Variants in PLXNA1 observed in about 807,000 individuals in gnomAD.
PLXNA1 encodes the protein plexin A1, also known as plexin-A1.
In PLXNA1, 77 loss-of-function variants were observed where a neutral mutation model predicts 191.7. The ratio of observed to expected loss-of-function variants is 0.40; its 90% CI spans 0.33 to 0.49. The LOEUF (loss-of-function observed/expected upper bound fraction) is 0.49, where lower values mean the gene tolerates loss of function less well. Among genes scored for constraint, PLXNA1 ranks in the 20% least tolerant of loss-of-function variants. The pLI is 0.63. For synonymous variants in PLXNA1, 1,137 were observed against 1,156.4 expected (o/e 0.98, Z 0.34); for missense variants, 2,110 against 2,660.2 (o/e 0.79, Z 4.55).
In PLXNA1 at chr3:126,989,221, G is replaced by A; in HGVS notation, c.628G>A (p.Glu210Lys). The change falls in exon 2 of 32, where the codon GAG becomes AAG. Residue 210 changes from glutamate (E) to lysine (K), a missense_variant. Glu to Lys is a moderately conservative substitution (Grantham distance 56). Transcript: ENST00000393409. ...TLSSRRLMAN[E>K]EDADMFGFVY... ...GTCCAGCCGTCGGCTCATGGCCAACGAGGAGGATGCCGACATGTTCGGCTT... is the reference window on the plus strand; with the variant it reads ...GTCCAGCCGTCGGCTCATGGCCAACAAGGAGGATGCCGACATGTTCGGCTT... 1 of 1,613,642 alleles carries A rather than the reference G, an allele frequency of 6.2e-7. No individual in the cohort carries two copies. The highest frequency in any genetic ancestry group is 8.5e-7 in the Non-Finnish European group (1 of 1,180,052).
intron 1 of PLXNA1, among the ~76,000 whole-genome samples, chr3:126,986,173 T>A (rs1225395862): frequency 6.6e-6 from 1 of 152,234 alleles, no homozygotes; most frequent in African/African-American, 2.4e-5. Flanking sequence ...TTTGAACTGA[T>A]AAACGGTGAG....
At chr3:127,028,943 A>G in intron 25 of PLXNA1, 50 bp from the exon 26 acceptor site, 1 of 1,431,212 alleles carries the variant, frequency 7.0e-7, no homozygotes, top group Non-Finnish European at 9.7e-7. Flanking sequence ...GTGATGGAGG[A>G]GGGAAAGAGG....
chr3:127,001,057 A>G (rs1005334130), intron 3 of PLXNA1, among the ~76,000 whole-genome samples: 1 of 152,098 alleles, frequency 6.6e-6, no homozygotes, highest in African/African-American at 2.4e-5. Flanking sequence ...GTCAGAGCCA[A>G]CTGTCCAGTC....
rs1351815995 is a variant in PLXNA1, at chr3:127,035,708, G to GGGA, written c.*1691_*1692insGGA. On this transcript the variant is annotated 3_prime_UTR_variant, in exon 32 of 32. Transcript: ENST00000393409. ...AAGATCCCATGGACATTAAGGGACA[G>GGGA]CTAACTGTGGCCAGACTCAGCCCCA... 2 of 152,530 alleles carry GGGA rather than the reference G, an allele frequency of 1.3e-5. No individual in the cohort carries two copies. Among genetic ancestry groups the GGGA allele is most frequent in the African/African-American group, 4.8e-5 (2 of 41,452 alleles). The allele number at this position is 152,530 out of a possible 1,614,324, so 9.4% of individuals were successfully genotyped here. A position where few individuals can be genotyped will look rare whatever the true frequency, so the allele number is the denominator to read the frequency against.
At chr3:127,022,917 C>A in intron 23 of PLXNA1, 99 bp downstream of exon 23, 1 of 1,084,064 alleles carries the variant, frequency 9.2e-7, no homozygotes, top group Non-Finnish European at 1.4e-6. Flanking sequence ...TGGAGAATGA[C>A]AGCTGGTGGG....
At position 127,022,781 on chromosome 3, in the gene PLXNA1, C is replaced by G. The variant is rs1236773653; in HGVS notation, c.4325C>G (p.Thr1442Ser). ...RTESVAEKML[T>S]NWFTFLLYKF... ...GAGTCGGTGGCAGAGAAGATGCTAACTAACTGGTTCACCTTCCTCTTGTAT... is the reference window on the plus strand; with the variant it reads ...GAGTCGGTGGCAGAGAAGATGCTAAGTAACTGGTTCACCTTCCTCTTGTAT... The change falls in exon 23 of 32, where the codon ACT becomes AGT. Residue 1442 changes from threonine to serine, a missense_variant. Physicochemically the swap from Thr to Ser is moderately conservative, Grantham distance 58. Around this residue, in one of 4 missense-constraint regions of PLXNA1, gnomAD observed 559 missense variants for 911.5 expected, o/e 0.61. Coordinates refer to ENST00000393409, the MANE Select transcript of PLXNA1 (RefSeq NM_032242.4). The G allele has an allele frequency of 1.2e-6, 2 of 1,614,092 alleles. No individual in the cohort carries two copies. Among genetic ancestry groups the G allele is most frequent in the Non-Finnish European group, 1.7e-6 (2 of 1,179,998 alleles).
rs2079226531 is a variant in PLXNA1, at chr3:127,034,081, C to T, written c.*64C>T. On this transcript the variant is annotated 3_prime_UTR_variant, in exon 32 of 32. Transcript: ENST00000393409. ...ACAGCTGAGCAGGGACCGGGACAGC[C>T]CTCACCGCATGCGTGTGGAGTGTCC... is the stretch of plus-strand genomic sequence containing the variant. The T allele has an allele frequency of 1.4e-6, 2 of 1,413,648 alleles. No individual in the cohort carries two copies. Among genetic ancestry groups the T allele is most frequent in the Non-Finnish European group, 1.9e-6 (2 of 1,030,298 alleles). The allele number at this position is 1,413,648 out of a possible 1,614,324, so 87.6% of individuals were successfully genotyped here.
At chr3:126,992,580 A>G in intron 3 of PLXNA1, among the ~76,000 whole-genome samples, 1 of 151,790 alleles carries the variant, frequency 6.6e-6, no homozygotes, top group Non-Finnish European at 1.5e-5. Context: ...GATCCCCTGC[A>G]GCCTCAGCTT....
rs1023386198 is a variant in PLXNA1 at position 126,988,658 on chromosome 3, C to A, written c.65C>A (p.Pro22Gln). The change falls in exon 2 of 32, where the codon CCG (proline) becomes CAG (glutamine). Residue 22 changes from proline (P) to glutamine (Q), a missense_variant. Coordinates refer to ENST00000393409, the MANE Select transcript of PLXNA1 (RefSeq NM_032242.4). ...LLLLLLLLLL[P>Q]GMWAEAGLPR... ...CTGCTGCTGTTGCTGCTGCTGCTGCCGGGCATGTGGGCTGAGGCAGGCTTG... is the reference window on the plus strand; with the variant it reads ...CTGCTGCTGTTGCTGCTGCTGCTGCAGGGCATGTGGGCTGAGGCAGGCTTG... The A allele has an allele frequency of 3.8e-6, 6 of 1,578,488 alleles. No homozygotes were observed. Among genetic ancestry groups the A allele is most frequent in the Non-Finnish European group, 5.2e-6 (6 of 1,161,920 alleles).
intron 20 of PLXNA1, among the ~76,000 whole-genome samples, chr3:127,018,841 G>T (rs573880284): frequency 6.6e-6 from 1 of 152,346 alleles, no homozygotes; most frequent in African/African-American, 2.4e-5. Flanking sequence ...GCTCAGTCTT[G>T]TCGTCTCTAG....
In PLXNA1 at chr3:127,016,576, C is replaced by T. The variant is rs770023709; in HGVS notation, c.3074C>T (p.Pro1025Leu). ...CCCGGGCAGAGCCCTGGCAGCGCTC[C>T]CATCATCATCAACATCAACCGCGCC... is the stretch of plus-strand genomic sequence containing the variant. ...TPPGQSPGSA[P>L]IIININRAQL... The change falls in exon 16 of 32, where the codon CCC (proline) becomes CTC (leucine). Residue 1025 changes from proline (P) to leucine (L), a missense_variant. Coordinates refer to ENST00000393409, the MANE Select transcript of PLXNA1 (RefSeq NM_032242.4). 1 of 1,613,948 alleles carries T rather than the reference C, an allele frequency of 6.2e-7. No homozygotes were observed. The highest frequency in any genetic ancestry group is 8.5e-7 in the Non-Finnish European group (1 of 1,179,950).
chr3:127,026,174 C>A (rs2107636744), intron 23 of PLXNA1, among the ~76,000 whole-genome samples: 1 of 152,346 alleles, frequency 6.6e-6, no homozygotes, highest in Non-Finnish European at 1.5e-5. Context: ...AGGACTGGGC[C>A]TTCCTCTTCC....
At chr3:127,013,327 G>C (rs912515942) in intron 10 of PLXNA1, among the ~76,000 whole-genome samples, 1 of 152,156 alleles carries the variant, frequency 6.6e-6, no homozygotes, top group Non-Finnish European at 1.5e-5. Flanking sequence ...GGGAGTATCG[G>C]GGAATTTGAC....
chr3:127,014,886 G>T, intron 14 of PLXNA1, 55 bp downstream of exon 14: 1 of 1,581,146 alleles, frequency 6.3e-7, no homozygotes, highest in African/African-American at 1.3e-5. Flanking sequence ...AGAGGGTGCC[G>T]CTCAGGGCTT....
intron 23 of PLXNA1, among the ~76,000 whole-genome samples, chr3:127,023,233 C>T (rs1020861816): frequency 1.3e-5 from 2 of 152,212 alleles, no homozygotes; most frequent in African/African-American, 4.8e-5. Flanking sequence ...ATTCAAGCCC[C>T]TCCCACCCCC....
At chr3:127,008,988 G>C (rs1471264023) in intron 9 of PLXNA1, among the ~76,000 whole-genome samples, 2 of 152,186 alleles carry the variant, frequency 1.3e-5, no homozygotes, top group Non-Finnish European at 2.9e-5. Context: ...CTTCTCTGGG[G>C]GTGCGGCCTG....
intron 25 of PLXNA1, 74 bp downstream of exon 25, chr3:127,028,414 C>A: frequency 1.3e-6 from 2 of 1,488,042 alleles, no homozygotes; most frequent in Non-Finnish European, 1.8e-6. Flanking sequence ...TAGTACTGAG[C>A]TTGGCGGGGA....
At chr3:127,010,083 G>A (rs959359482) in intron 9 of PLXNA1, among the ~76,000 whole-genome samples, 5 of 152,214 alleles carry the variant, frequency 3.3e-5, no homozygotes, top group East Asian at 1.9e-4. Context: ...AGCCTTGTGC[G>A]CTGGCAAAAT....
intron 1 of PLXNA1, among the ~76,000 whole-genome samples, chr3:126,984,423 G>A (rs939199242): frequency 1.3e-5 from 2 of 152,224 alleles, no homozygotes; most frequent in Non-Finnish European, 2.9e-5. Context: ...CAGGGATGGG[G>A]CGCAGTTTCT....
Sources: gnomAD v4.1 joint callset for allele counts (sites outside exome capture counted in the v4.1 genomes callset) on GRCh38, gnomAD v4.1.1 for gene constraint, gnomAD v4.1.1 regional missense constraint, MANE v1.5 for transcripts, NCBI Gene and HGNC (gene_info 2026-07-23, HGNC 2026-07-21) for gene names.